CR1L: variants seen among roughly 807,000 people sequenced by gnomAD.
The protein encoded by CR1L is complement component receptor 1-like protein.
In CR1L, 59 loss-of-function variants were observed where a neutral mutation model predicts 62.3. The ratio of observed to expected loss-of-function variants is 0.95; its 90% CI spans 0.77 to 1.18. The LOEUF (loss-of-function observed/expected upper bound fraction) is 1.18, where lower values mean the gene tolerates loss of function less well. Among genes scored for constraint, CR1L ranks in the 50% most tolerant of loss-of-function variants. The pLI is 0.00. For missense variants in CR1L, 700 were observed against 702.8 expected, an observed-to-expected ratio of 1.00 and a Z score of 0.04; for synonymous variants, 279 against 248.7, an observed-to-expected ratio of 1.12 and a Z score of -1.15.
intron 1 of CR1L, among the ~76,000 whole-genome samples, chr1:207,665,673 G>A (rs56132412): frequency 0.063 from 9,530 of 152,252 alleles, 624 homozygotes; most frequent in East Asian, 0.37. Context: ...GATTACAGGC[G>A]TGAGCCACCA....
At chr1:207,701,986 G>T (rs575953814) in intron 9 of CR1L, among the ~76,000 whole-genome samples, 1 of 152,176 alleles carries the variant, frequency 6.6e-6, no homozygotes, top group Non-Finnish European at 1.5e-5. Context: ...CAGCATGATC[G>T]CTTGCTAGGG....
At chr1:207,697,961 A>AAGAC (rs1350958341) in intron 7 of CR1L, 88 bp downstream of exon 7, 3 of 1,472,336 alleles carry the variant, frequency 2.0e-6, no homozygotes, top group Admixed American at 1.7e-5. Context: ...GGCTTAAAAA[A>AAGAC]AGACAGACAG....
At chr1:207,669,170 G>T (rs1663568815) in intron 1 of CR1L, 2 of 296,962 alleles carry the variant, frequency 6.7e-6, no homozygotes, top group Non-Finnish European at 1.3e-5. Context: ...GGATCCATCG[G>T]AAGCCCAAGC....
At chr1:207,711,016 A>T (rs1171418908) in intron 10 of CR1L, among the ~76,000 whole-genome samples, 2 of 152,232 alleles carry the variant, frequency 1.3e-5, no homozygotes, top group African/African-American at 4.8e-5. Context: ...TTTTGGACTC[A>T]CCTATTAATC....
chr1:207,648,624 C>T (rs1663173648), intron 1 of CR1L, among the ~76,000 whole-genome samples: 1 of 152,178 alleles, frequency 6.6e-6, no homozygotes. Context: ...TTCATTCCTC[C>T]AGAAGAGGAG....
At chr1:207,695,578 T>C (rs1386697255) in intron 5 of CR1L, among the ~76,000 whole-genome samples, 1 of 152,192 alleles carries the variant, frequency 6.6e-6, no homozygotes, top group African/African-American at 2.4e-5. Context: ...CAAAACTTAC[T>C]CTAGATACTT....
intron 1 of CR1L, among the ~76,000 whole-genome samples, chr1:207,647,930 T>C (rs1663156869): frequency 3.3e-5 from 5 of 152,116 alleles, no homozygotes; most frequent in Admixed American, 3.3e-4. Context: ...AAGATTAATG[T>C]TTAGAATAGG....
intron 3 of CR1L, among the ~76,000 whole-genome samples, chr1:207,682,005 G>T (rs1278556896): frequency 6.6e-6 from 1 of 152,014 alleles, no homozygotes; most frequent in African/African-American, 2.4e-5. Context: ...GGTGGGTGGG[G>T]GGCTAGGGGC....
chr1:207,697,761 T>A lies in CR1L; in HGVS notation c.1040-10T>A, dbSNP rs780387063. 9.3e-6 allele frequency: 15 copies of A among 1,614,006 alleles called. No individual in the cohort carries two copies. The highest frequency in any genetic ancestry group is 1.2e-5 in the Non-Finnish European group (14 of 1,179,896). On this transcript the variant is annotated splice_polypyrimidine_tract_variant and intron_variant, in intron 6 of 11. Coordinates refer to ENST00000508064, the MANE Select transcript of CR1L (RefSeq NM_175710.2). ...GCCAGTTATTTCTGTTCGTTTTTCT[T>A]TTTTTCCAGTGAAATCCTGTGATGA...
At chr1:207,668,386 G>T (rs958130287) in intron 1 of CR1L, among the ~76,000 whole-genome samples, 1 of 150,928 alleles carries the variant, frequency 6.6e-6, no homozygotes, top group Non-Finnish European at 1.5e-5. Context: ...ATGAATCTAG[G>T]GGATATTATA....
intron 9 of CR1L, among the ~76,000 whole-genome samples, chr1:207,702,072 T>A (rs144698071): frequency 6.6e-6 from 1 of 152,320 alleles, no homozygotes; most frequent in Non-Finnish European, 1.5e-5. Flanking sequence ...ATTGAAGGCT[T>A]GTGGCAACGC....
intron 3 of CR1L, among the ~76,000 whole-genome samples, chr1:207,682,810 A>C (rs1663821110): frequency 6.6e-6 from 1 of 152,186 alleles, no homozygotes; most frequent in Non-Finnish European, 1.5e-5. Context: ...AAGTAAAATA[A>C]ATGTTATAAA....
intron 1 of CR1L, among the ~76,000 whole-genome samples, chr1:207,656,927 C>T (rs1663320889): frequency 6.6e-6 from 1 of 152,146 alleles, no homozygotes; most frequent in African/African-American, 2.4e-5. Flanking sequence ...GAGATTTGTT[C>T]TGAAAGTTAG....
At position 207,665,567 on chromosome 1, in the gene CR1L, G is replaced by C. The variant is rs1409153735; in HGVS notation, c.98-11822G>C. Among the ~76,000 whole-genome samples the C allele has an allele frequency of 2.0e-5, 3 of 151,628 alleles. No individual in the cohort carries two copies. In the East Asian group the frequency reaches 5.8e-4, roughly 29 times the overall value. On this transcript the variant is annotated intron_variant, in intron 1 of 11. Transcript: ENST00000508064. ...GCGACACCATGCCAGGCTAATTTTT[G>C]TATTTTTAATAGAGATGGGGTTTCA... is the stretch of plus-strand genomic sequence containing the variant.
chr1:207,697,446 C>T (rs2102470259), intron 5 of CR1L, 57 bp from the exon 6 acceptor site: 2 of 1,612,662 alleles, frequency 1.2e-6, no homozygotes, highest in South Asian at 2.2e-5. Context: ...GCCAGTTTAA[C>T]AGTGAGAGAA....
chr1:207,683,575 C>T (rs949398129), intron 3 of CR1L, among the ~76,000 whole-genome samples: 5 of 152,114 alleles, frequency 3.3e-5, no homozygotes, highest in African/African-American at 4.8e-5. Context: ...ACTCAAGAAG[C>T]TTGTGTTGTC....
intron 10 of CR1L, among the ~76,000 whole-genome samples, chr1:207,714,814 A>T (rs527929755): frequency 4.6e-5 from 7 of 152,138 alleles, no homozygotes; most frequent in Non-Finnish European, 7.4e-5. Context: ...ATGGTTCAGC[A>T]TGCTTCTGTG....
intron 1 of CR1L, among the ~76,000 whole-genome samples, chr1:207,650,510 C>A (rs1210004360): frequency 6.6e-6 from 1 of 152,022 alleles, no homozygotes; most frequent in Non-Finnish European, 1.5e-5. Context: ...AAGTAATTTT[C>A]ATAGACCTAA....
At chr1:207,699,383 G>T in intron 8 of CR1L, 109 bp downstream of exon 8, 1 of 1,351,750 alleles carries the variant, frequency 7.4e-7, no homozygotes, top group Non-Finnish European at 1.0e-6. Flanking sequence ...CTGAATTATT[G>T]ATTTGAAAAT....
Sources: gnomAD v4.1 joint callset for allele counts (sites outside exome capture counted in the v4.1 genomes callset) on GRCh38, gnomAD v4.1.1 for gene constraint, MANE v1.5 for transcripts, NCBI Gene and HGNC (gene_info 2026-07-23, HGNC 2026-07-21) for gene names.